The following HTATIP2 variants were observed in gnomAD, a reference collection of about 807,000 sequenced individuals.
HTATIP2 encodes the protein HIV-1 Tat interactive protein 2, also known as protein HTATIP2.
HTATIP2 carries 26 observed loss-of-function variants against 24.7 expected under a neutral mutation model. The ratio of observed to expected loss-of-function variants is 1.05; its 90% confidence interval spans 0.77 to 1.46. HTATIP2 has a LOEUF of 1.46. HTATIP2 is among the 40% of genes most tolerant of loss of function. HTATIP2 has a pLI of 0.00. For missense variants in HTATIP2, 284 were observed against 289.6 expected, an observed-to-expected ratio of 0.98 and a Z score of 0.14; for synonymous variants, 99 against 113.2, an observed-to-expected ratio of 0.87 and a Z score of 0.79.
At position 20,382,087 on chromosome 11, in the gene HTATIP2, A is replaced by G. The variant is rs117341968; in HGVS notation, c.442-91A>G. On this transcript the variant is annotated intron_variant, in intron 3 of 4. Coordinates refer to ENST00000451739, the MANE Select transcript of HTATIP2 (RefSeq NM_001098522.2). Reference sequence around the variant, plus strand: ...TGAGTATTGAGATCTGCAAAAGCAGATTATCTCAAAACCACAAATTATTCT... The same window carrying G: ...TGAGTATTGAGATCTGCAAAAGCAGGTTATCTCAAAACCACAAATTATTCT... The G allele has an allele frequency of 4.2e-3, 3,219 of 766,552 alleles. 10 individuals carry two copies. The highest frequency in any genetic ancestry group is 6.3e-3 in the Non-Finnish European group (2,811 of 449,050). 47.5% of individuals were successfully genotyped at this position (766,552 alleles called of 1,614,324 possible).
intron 2 of HTATIP2, among the ~76,000 whole-genome samples, chr11:20,370,960 C>A (rs10741832): frequency 0.91 from 138,663 of 152,312 alleles, 63,453 homozygotes; most frequent in South Asian, 0.99. Context: ...ATATTTTTAA[C>A]TGGTTAAAAA....
At chr11:20,382,127 AC>A (rs755874563) in intron 3 of HTATIP2, 50 bp from the exon 4 acceptor site, 1 of 1,095,058 alleles carries the variant, frequency 9.1e-7, no homozygotes, top group Non-Finnish European at 1.4e-6. Context: ...TAAACTTCAC[AC>A]AGGTGAGCTG....
At chr11:20,376,197 A>G (rs142556979) in intron 2 of HTATIP2, 130 of 221,586 alleles carry the variant, frequency 5.9e-4, no homozygotes, top group Non-Finnish European at 1.0e-3. Context: ...ACCCTACCAC[A>G]TTAGAATTGA....
chr11:20,363,970 A>C lies in HTATIP2; in HGVS notation c.-268A>C. ...CAGGTCTCCTGGCCGGGCCGGGGAT[A>C]CCGTGGGGTATGCCCAGTGATGCCA... On this transcript the variant is annotated 5_prime_UTR_variant, in exon 1 of 5. Coordinates refer to ENST00000451739, the MANE Select transcript of HTATIP2 (RefSeq NM_001098522.2). 2.4e-6 allele frequency: 3 copies of C among 1,244,524 alleles called. No homozygotes were observed. Among genetic ancestry groups the C allele is most frequent in the Non-Finnish European group, 3.0e-6 (3 of 992,944 alleles). 77.1% of individuals were successfully genotyped at this position (1,244,524 alleles called of 1,614,324 possible). A position where few individuals can be genotyped will look rare whatever the true frequency, so the allele number is the denominator to read the frequency against.
rs761783913 is a variant in HTATIP2, at chr11:20,376,715, A to AAGGTTT, written c.440_441+4dup. On this transcript the variant is annotated stop_gained and inframe_insertion and splice_region_variant, in exon 3 of 5. Transcript: ENST00000451739. LOFTEE classifies it high-confidence loss of function. ...AAGCAATTTTTTATATCTACAAGTT[A>AAGGTTT]AGGTTTGTGCAAGTTTCTGTTTTTC... 9 of 1,605,188 alleles carry AAGGTTT rather than the reference A, an allele frequency of 5.6e-6. No homozygotes were observed. Among genetic ancestry groups the AAGGTTT allele is most frequent in the Admixed American group, 1.8e-5 (1 of 56,884 alleles).
intron 3 of HTATIP2, among the ~76,000 whole-genome samples, chr11:20,377,536 G>GC (rs1287639717): frequency 9.2e-5 from 14 of 152,162 alleles, no homozygotes; most frequent in Admixed American, 9.2e-4. Flanking sequence ...GATAGGCATG[G>GC]CTTTGTCTTT....
intron 2 of HTATIP2, among the ~76,000 whole-genome samples, chr11:20,371,099 A>G (rs976507617): frequency 1.3e-5 from 2 of 152,224 alleles, no homozygotes; most frequent in African/African-American, 4.8e-5. Flanking sequence ...CTTTTGTGCT[A>G]TTAACATAAT....
chr11:20,382,252 T>TA lies in HTATIP2; in HGVS notation c.503+13_503+14insA. The TA allele has an allele frequency of 5.6e-6, 8 of 1,439,568 alleles. No homozygotes were observed. Among genetic ancestry groups the TA allele is most frequent in the South Asian group, 1.2e-5 (1 of 86,780 alleles). The allele number at this position is 1,439,568 out of a possible 1,614,324, so 89.2% of individuals were successfully genotyped here. A position where few individuals can be genotyped will look rare whatever the true frequency, so the allele number is the denominator to read the frequency against. ...TATTTAGGCCTGGGTAAGTATAATATTTATACTGAATGAGAGTATGCCACT... is the reference window on the plus strand; with the variant it reads ...TATTTAGGCCTGGGTAAGTATAATATATTATACTGAATGAGAGTATGCCACT... On this transcript the variant is annotated intron_variant, in intron 4 of 4. Coordinates refer to ENST00000451739, the MANE Select transcript of HTATIP2 (RefSeq NM_001098522.2).
intron 2 of HTATIP2, among the ~76,000 whole-genome samples, chr11:20,373,139 T>C (rs886118792): frequency 4.6e-5 from 7 of 152,154 alleles, no homozygotes; most frequent in Non-Finnish European, 1.0e-4. Context: ...TGGAGAAAGG[T>C]ATGGGCACCT....
chr11:20,366,965 A>G (rs1254049597), intron 1 of HTATIP2, among the ~76,000 whole-genome samples: 1 of 152,228 alleles, frequency 6.6e-6, no homozygotes, highest in Non-Finnish European at 1.5e-5. Flanking sequence ...CCCCTAGTCC[A>G]GTTATATAGA....
Position 20,363,926 on chromosome 11 carries a change from G to A in HTATIP2, c.-312G>A. 2.4e-6 allele frequency: 3 copies of A among 1,242,504 alleles called. No individual in the cohort carries two copies. The highest frequency in any genetic ancestry group is 3.0e-6 in the Non-Finnish European group (3 of 989,820). The allele number at this position is 1,242,504 out of a possible 1,614,324, so 77.0% of individuals were successfully genotyped here. On this transcript the variant is annotated 5_prime_UTR_variant, in exon 1 of 5. Transcript: ENST00000451739. ...GGCTGGCCCCAGGTAACCCCTCCGC[G>A]TATGGGACCGAGCTGGGCCAGGTCT...
chr11:20,363,983 C>T lies in HTATIP2; in HGVS notation c.-255C>T, dbSNP rs2064663770. ...CGGGCCGGGGATACCGTGGGGTATG[C>T]CCAGTGATGCCAGCAGCTTGTGGCA... On this transcript the variant is annotated 5_prime_UTR_variant, in exon 1 of 5. Coordinates refer to ENST00000451739, the MANE Select transcript of HTATIP2 (RefSeq NM_001098522.2). 3 of 1,261,468 alleles carry T rather than the reference C, an allele frequency of 2.4e-6. No homozygotes were observed. Among genetic ancestry groups the T allele is most frequent in the Non-Finnish European group, 2.0e-6 (2 of 1,002,732 alleles). 78.1% of individuals were successfully genotyped at this position (1,261,468 alleles called of 1,614,324 possible).
At chr11:20,365,970 CAAAAAAAAAAA>C (rs1161230646) in intron 1 of HTATIP2, among the ~76,000 whole-genome samples, 1 of 96,780 alleles carries the variant, frequency 1.0e-5, no homozygotes, top group Non-Finnish European at 2.2e-5. Context: ...GACTCTGTCT[CAAAAAAAAAAA>C]AAAAAAAAGA....
intron 4 of HTATIP2, among the ~76,000 whole-genome samples, chr11:20,382,651 T>C (rs1297776873): frequency 1.3e-5 from 2 of 152,128 alleles, no homozygotes; most frequent in African/African-American, 2.4e-5. Context: ...GAGGCCTCTT[T>C]TCCTGGCTGG....
rs200092026 is a variant in HTATIP2 at position 20,371,008 on chromosome 11, A to G, written c.303+3727A>G. On this transcript the variant is annotated intron_variant, in intron 2 of 4. Transcript: ENST00000451739. ...AATGTCATACCATGTGAAAATATAA[A>G]AACTTCAAATTTTAGTCTTTATACA... Among the ~76,000 whole-genome samples the G allele has an allele frequency of 4.6e-5, 7 of 152,224 alleles. No homozygotes were observed. The East Asian group carries it at 9.6e-4, about 21-fold the overall frequency.
chr11:20,365,077 A>G (rs2064682845), intron 1 of HTATIP2, among the ~76,000 whole-genome samples: 1 of 149,308 alleles, frequency 6.7e-6, no homozygotes, highest in Non-Finnish European at 1.5e-5. Flanking sequence ...TCTGCCTTTC[A>G]GGTTCAAGCG....
In HTATIP2 at chr11:20,364,034, C is replaced by T; in HGVS notation, c.-204C>T. On this transcript the variant is annotated 5_prime_UTR_variant, in exon 1 of 5. Transcript: ENST00000451739. ...CCTGGGCGCACCCTCCAGCTCGGGCCCCTTCCGATGGGTCTGCTGGCTCAG... is the reference window on the plus strand; with the variant it reads ...CCTGGGCGCACCCTCCAGCTCGGGCTCCTTCCGATGGGTCTGCTGGCTCAG... The T allele has an allele frequency of 3.0e-6, 4 of 1,312,742 alleles. No homozygotes were observed. Among genetic ancestry groups the T allele is most frequent in the Non-Finnish European group, 3.9e-6 (4 of 1,031,370 alleles). The allele number at this position is 1,312,742 out of a possible 1,614,324, so 81.3% of individuals were successfully genotyped here. A position where few individuals can be genotyped will look rare whatever the true frequency, so the allele number is the denominator to read the frequency against.
chr11:20,376,612 G>A lies in HTATIP2; in HGVS notation c.336G>A (p.Val112=), dbSNP rs140165037. ...EGFVRVDRDY[V]LKSAELAKAG... ...TTGTTCGTGTTGACCGAGATTATGT[G>A]CTGAAGTCTGCAGAGCTGGCAAAAG... Residue 112 remains valine, a synonymous_variant, in exon 3 of 5, where the codon GTG becomes GTA. Coordinates refer to ENST00000451739, the MANE Select transcript of HTATIP2 (RefSeq NM_001098522.2). 5.0e-6 allele frequency: 8 copies of A among 1,613,918 alleles called. No homozygotes were observed. The African/African-American group carries it at 1.1e-4, about 22-fold the overall frequency.
chr11:20,365,957 C>T (rs1330362021), intron 1 of HTATIP2, among the ~76,000 whole-genome samples: 62 of 120,816 alleles, frequency 5.1e-4, no homozygotes, highest in African/African-American at 1.7e-3. Context: ...GGTGACAGAG[C>T]GAGACTCTGT....
Sources: gnomAD v4.1 joint callset for allele counts (sites outside exome capture counted in the v4.1 genomes callset) on GRCh38, gnomAD v4.1.1 for gene constraint, MANE v1.5 for transcripts, NCBI Gene and HGNC (gene_info 2026-07-23, HGNC 2026-07-21) for gene names.